The following POMK variants were observed in gnomAD, a reference collection of about 807,000 sequenced individuals.
The protein encoded by POMK is Sugen kinase 196.
Under a neutral mutation model 23.0 loss-of-function variants are expected in POMK, and 19 were observed. The observed-to-expected ratio is 0.83, with a 90% CI of 0.58 to 1.21. The LOEUF is 1.21. POMK is among the 50% of genes most tolerant of loss of function. The probability of loss-of-function intolerance (pLI) is 0.00; values close to 1 mark genes in which losing one functional copy is unlikely to be tolerated. For synonymous variants in POMK, 173 were observed against 171.6 expected (o/e 1.01, Z -0.06); for missense variants, 410 against 431.3 (o/e 0.95, Z 0.44).
rs1811339879 is a variant in POMK, at chr8:43,096,632, T to C, written c.-209-892T>C. Among the ~76,000 whole-genome samples, 5 of 151,504 alleles carry C rather than the reference T, an allele frequency of 3.3e-5. No homozygotes were observed. In the South Asian group the frequency reaches 1.0e-3, roughly 32 times the overall value. ...AGGTTGCAGTGAGCTGAGATTGTGC[T>C]ATAGCACTCCAGCCTGGTGACAGAG... On this transcript the variant is annotated intron_variant, in intron 1 of 4. Coordinates refer to ENST00000331373, the MANE Select transcript of POMK (RefSeq NM_032237.5).
intron 4 of POMK, among the ~76,000 whole-genome samples, chr8:43,106,587 G>A (rs771616834): frequency 1.4e-5 from 2 of 138,108 alleles, no homozygotes; most frequent in Non-Finnish European, 3.0e-5. Context: ...TTGGCTCACC[G>A]CAACCTCCAC....
At chr8:43,110,520 C>T (rs1811629600) in intron 4 of POMK, among the ~76,000 whole-genome samples, 1 of 152,208 alleles carries the variant, frequency 6.6e-6, no homozygotes, top group African/African-American at 2.4e-5. Flanking sequence ...TTACAGAGAC[C>T]ATCTACAACA....
At chr8:43,106,502 A>C (rs959853504) in intron 4 of POMK, among the ~76,000 whole-genome samples, 8 of 132,040 alleles carry the variant, frequency 6.1e-5, no homozygotes, top group African/African-American at 2.3e-4. Flanking sequence ...CCATTGGTTT[A>C]CTTTTGCTTT....
At chr8:43,096,290 T>G (rs984258140) in intron 1 of POMK, among the ~76,000 whole-genome samples, 1 of 151,996 alleles carries the variant, frequency 6.6e-6, no homozygotes, top group Non-Finnish European at 1.5e-5. Flanking sequence ...CACATAAGAG[T>G]TTGGACTTGA....
At chr8:43,120,865 C>T (rs1045669319) in intron 4 of POMK, among the ~76,000 whole-genome samples, 1 of 151,622 alleles carries the variant, frequency 6.6e-6, no homozygotes, top group Non-Finnish European at 1.5e-5. Flanking sequence ...TTAGTAGAGT[C>T]AGGGTTTCTC....
Position 43,122,423 on chromosome 8 carries a change from G to T in POMK, c.599G>T (p.Arg200Leu), listed in dbSNP as rs146214675. The T allele has an allele frequency of 2.2e-5, 36 of 1,614,028 alleles. No individual in the cohort carries two copies. The highest frequency in any genetic ancestry group is 1.3e-5 in the Non-Finnish European group (15 of 1,180,020). The change falls in exon 5 of 5, where the codon CGG becomes CTG. Residue 200 changes from arginine to leucine, a missense_variant. Physicochemically the swap from Arg to Leu is moderately radical, Grantham distance 102. Transcript: ENST00000331373. ...NYLHHSPVGTRVMCDSNDLPK... is the reference protein window; with the variant it reads ...NYLHHSPVGTLVMCDSNDLPK... ...CTGCACCACAGCCCTGTGGGCACAC[G>T]GGTCATGTGCGACTCCAACGACCTG...
chr8:43,113,771 T>C (rs1406425538), intron 4 of POMK, among the ~76,000 whole-genome samples: 18 of 152,294 alleles, frequency 1.2e-4, no homozygotes, highest in East Asian at 1.9e-4. Flanking sequence ...ATGATGGTGA[T>C]GTACAGATGG....
At chr8:43,121,172 ACTG>A (rs934487509) in intron 4 of POMK, among the ~76,000 whole-genome samples, 1 of 152,198 alleles carries the variant, frequency 6.6e-6, no homozygotes, top group Non-Finnish European at 1.5e-5. Context: ...AATGCAAAAA[ACTG>A]CTTTGGAAAC....
intron 4 of POMK, among the ~76,000 whole-genome samples, chr8:43,120,053 G>GA (rs1455781652): frequency 1.4e-5 from 2 of 145,560 alleles, no homozygotes; most frequent in African/African-American, 2.7e-5. Context: ...CAAAAGATAT[G>GA]AAGGAAAAAA....
intron 4 of POMK, among the ~76,000 whole-genome samples, chr8:43,120,671 ATTTC>A (rs1484675120): frequency 1.7e-4 from 25 of 144,554 alleles, no homozygotes; most frequent in Middle Eastern, 3.8e-3. Context: ...TTGTTTCTTA[ATTTC>A]TTTCTTTTTT....
intron 4 of POMK, among the ~76,000 whole-genome samples, chr8:43,119,609 A>G (rs187714118): frequency 5.9e-4 from 90 of 151,714 alleles, no homozygotes; most frequent in African/African-American, 1.9e-3. Flanking sequence ...ATTATTTTGT[A>G]TTTTTAGTAG....
intron 1 of POMK, among the ~76,000 whole-genome samples, chr8:43,094,408 A>G (rs1811290499): frequency 6.6e-6 from 1 of 152,206 alleles, no homozygotes; most frequent in Non-Finnish European, 1.5e-5. Context: ...AAAACCAGAA[A>G]GGACCGAGGA....
At chr8:43,114,641 C>T (rs993583526) in intron 4 of POMK, among the ~76,000 whole-genome samples, 2 of 152,262 alleles carry the variant, frequency 1.3e-5, no homozygotes, top group Non-Finnish European at 2.9e-5. Flanking sequence ...CTGTCTGGCA[C>T]TCCCTAGTGA....
At chr8:43,105,277 T>TG (rs1297204168) in intron 4 of POMK, among the ~76,000 whole-genome samples, 1 of 152,226 alleles carries the variant, frequency 6.6e-6, no homozygotes, top group Non-Finnish European at 1.5e-5. Context: ...CACTGGAACT[T>TG]GCTTCTCTTA....
At chr8:43,099,028 C>G (rs887462853) in intron 2 of POMK, among the ~76,000 whole-genome samples, 7 of 152,218 alleles carry the variant, frequency 4.6e-5, no homozygotes, top group African/African-American at 1.7e-4. Flanking sequence ...CTCACTGCAG[C>G]CTTGGTCTCC....
intron 4 of POMK, 151 bp from the exon 5 acceptor site, chr8:43,121,956 C>T (rs147338009): frequency 1.4e-4 from 104 of 760,032 alleles, no homozygotes; most frequent in Non-Finnish European, 1.7e-4. Context: ...CTCTTCATAA[C>T]TAGACGGAGA....
rs1055643768 is a variant in POMK, at chr8:43,119,578, G to A, written c.283-2529G>A. 5.3e-5 allele frequency among the ~76,000 whole-genome samples: 8 copies of A among 151,438 alleles called. No individual in the cohort carries two copies. In the East Asian group the frequency reaches 7.8e-4, roughly 15 times the overall value. On this transcript the variant is annotated intron_variant, in intron 4 of 4. Coordinates refer to ENST00000331373, the MANE Select transcript of POMK (RefSeq NM_032237.5). ...CTCCTGAGTAGCTGGGACTGCAGGC[G>A]CGCGCCACCACGCCCAGCTAATTAT... is the stretch of plus-strand genomic sequence containing the variant.
intron 2 of POMK, among the ~76,000 whole-genome samples, chr8:43,098,793 C>T (rs945351276): frequency 2.0e-5 from 3 of 152,160 alleles, no homozygotes; most frequent in African/African-American, 7.2e-5. Flanking sequence ...TTATAGCCAT[C>T]CTCATGGGTG....
intron 4 of POMK, among the ~76,000 whole-genome samples, chr8:43,113,380 C>G (rs1430544544): frequency 1.3e-5 from 2 of 152,182 alleles, no homozygotes; most frequent in Admixed American, 6.5e-5. Context: ...ATCACTGATA[C>G]CCTTTCTTCC....
Sources: gnomAD v4.1 joint callset for allele counts (sites outside exome capture counted in the v4.1 genomes callset) on GRCh38, gnomAD v4.1.1 for gene constraint, MANE v1.5 for transcripts, NCBI Gene and HGNC (gene_info 2026-07-23, HGNC 2026-07-21) for gene names.